Variants in SLC6A15 observed in about 807,000 individuals in gnomAD.
SLC6A15 encodes the protein sodium-dependent neutral amino acid transporter B(0)AT2.
A neutral mutation model predicts 68.5 loss-of-function variants in SLC6A15; 33 were observed. That is an observed-to-expected ratio of 0.48 (90% CI 0.37 to 0.64). The LOEUF (loss-of-function observed/expected upper bound fraction) is 0.64, where lower values mean the gene tolerates loss of function less well. SLC6A15 is among the 30% of genes least tolerant of loss of function. The probability of loss-of-function intolerance (pLI) is 0.00; values close to 1 mark genes in which losing one functional copy is unlikely to be tolerated. For missense variants in SLC6A15, 747 were observed against 874.3 expected, an observed-to-expected ratio of 0.85 and a Z score of 1.84; for synonymous variants, 347 against 301.0, an observed-to-expected ratio of 1.15 and a Z score of -1.58.
intron 1 of SLC6A15, among the ~76,000 whole-genome samples, chr12:84,897,937 C>A (rs1213406751): frequency 6.6e-6 from 1 of 151,792 alleles, no homozygotes; most frequent in Non-Finnish European, 1.5e-5. Context: ...GTGCAGGGGA[C>A]AATTGTGAAT....
intron 5 of SLC6A15, among the ~76,000 whole-genome samples, chr12:84,877,866 TA>T (rs1325257160): frequency 2.0e-5 from 3 of 152,198 alleles, no homozygotes; most frequent in African/African-American, 7.2e-5. Context: ...TAACAGGGTA[TA>T]AGCTAGTAAG....
At chr12:84,890,600 T>A (rs1872342743) in intron 2 of SLC6A15, among the ~76,000 whole-genome samples, 1 of 152,180 alleles carries the variant, frequency 6.6e-6, no homozygotes, top group African/African-American at 2.4e-5. Context: ...GATCTTTACC[T>A]CTAAGGCAGA....
rs780172360 is a variant in SLC6A15, at chr12:84,886,025, A to T, written c.333T>A (p.Gly111=). ...AGAGTTCCAAGAAAAAAAGGGGAAT[A>T]CCTATTACCATAAGTAGTATTAAAT... ...LPYLILLMVI[G]IPLFFLELSV... is the part of the protein sequence containing the mutation. The change falls in exon 3 of 12, where the codon GGT becomes GGA. Residue 111 remains glycine (G), a synonymous_variant. Coordinates refer to ENST00000266682, the MANE Select transcript of SLC6A15 (RefSeq NM_182767.6). 3 of 1,610,178 alleles carry T rather than the reference A, an allele frequency of 1.9e-6. No homozygotes were observed. The East Asian group carries it at 6.7e-5, about 36-fold the overall frequency.
At chr12:84,899,162 A>G (rs1872747329) in intron 1 of SLC6A15, among the ~76,000 whole-genome samples, 1 of 152,214 alleles carries the variant, frequency 6.6e-6, no homozygotes, top group African/African-American at 2.4e-5. Context: ...AGCCCAATGT[A>G]CAAGTGCTAC....
chr12:84,869,792 T>A (rs576313574), intron 9 of SLC6A15, among the ~76,000 whole-genome samples: 1 of 152,208 alleles, frequency 6.6e-6, no homozygotes, highest in Non-Finnish European at 1.5e-5. Flanking sequence ...TTTTACATGC[T>A]GTAAGTCTTA....
intron 5 of SLC6A15, chr12:84,881,596 T>C: frequency 1.0e-6 from 1 of 985,394 alleles, no homozygotes; most frequent in Non-Finnish European, 1.2e-6. Flanking sequence ...ACTTAGCATT[T>C]TGGGGTATAT....
chr12:84,910,229 A>C (rs545764858), intron 1 of SLC6A15, among the ~76,000 whole-genome samples: 1 of 152,334 alleles, frequency 6.6e-6, no homozygotes, highest in African/African-American at 2.4e-5. Flanking sequence ...TGCAATCAGA[A>C]AAAAGAAAAG....
chr12:84,876,400 A>T, intron 6 of SLC6A15, 97 bp downstream of exon 6: 1 of 694,742 alleles, frequency 1.4e-6, no homozygotes. Context: ...ATGTACATAC[A>T]TTAGAACAAT....
At chr12:84,876,101 G>T (rs10779143) in intron 6 of SLC6A15, among the ~76,000 whole-genome samples, 149,856 of 150,152 alleles carry the variant, frequency 1, 74,780 homozygotes, top group Middle Eastern at 1. Flanking sequence ...TTTTTTTTTT[G>T]GGAAAAAAAA....
intron 9 of SLC6A15, 113 bp from the exon 10 acceptor site, chr12:84,867,306 T>G (rs1190163101): frequency 2.3e-6 from 2 of 859,218 alleles, no homozygotes; most frequent in South Asian, 5.2e-5. Flanking sequence ...ATGTCCATCA[T>G]ATAAACAGGC....
At chr12:84,898,888 A>ATTT (rs1266907566) in intron 1 of SLC6A15, among the ~76,000 whole-genome samples, 1 of 152,212 alleles carries the variant, frequency 6.6e-6, no homozygotes, top group Non-Finnish European at 1.5e-5. Context: ...TGGCTTTGAA[A>ATTT]AACAATTTAA....
intron 7 of SLC6A15, 117 bp downstream of exon 7, chr12:84,872,969 GT>G (rs1371834600): frequency 7.7e-7 from 1 of 1,307,008 alleles, no homozygotes; most frequent in African/African-American, 1.5e-5. Flanking sequence ...TACATTGTAT[GT>G]TTGTGTCGAA....
At position 84,885,496 on chromosome 12, in the gene SLC6A15, C is replaced by T. The variant is rs771090879; in HGVS notation, c.513G>A (p.Gln171=). The part of the protein sequence containing the change: ...IIGWSLFYFS[Q]SFQQPLPWDQ... ...CCCAAGGCAGGGGTTGCTGAAAAGACTGAGAAAAATAAAACAAACTCCAGC... is the reference window on the plus strand; with the variant it reads ...CCCAAGGCAGGGGTTGCTGAAAAGATTGAGAAAAATAAAACAAACTCCAGC... The change falls in exon 4 of 12, where the codon CAG becomes CAA. Residue 171 remains glutamine, a synonymous_variant. Transcript: ENST00000266682. 74 of 1,613,416 alleles carry T rather than the reference C, an allele frequency of 4.6e-5. No homozygotes were observed. Among genetic ancestry groups the T allele is most frequent in the Non-Finnish European group, 5.5e-5 (65 of 1,179,702 alleles).
intron 9 of SLC6A15, among the ~76,000 whole-genome samples, chr12:84,869,687 C>G (rs1353219675): frequency 6.6e-6 from 1 of 152,014 alleles, no homozygotes; most frequent in Non-Finnish European, 1.5e-5. Flanking sequence ...CTTTCCAATT[C>G]AACTTTCATC....
rs1870835614 is a variant in SLC6A15 at position 84,861,279 on chromosome 12, C to T, written c.*353G>A. 5.8e-6 allele frequency: 1 copy of T among 171,254 alleles called. No homozygotes were observed. Among genetic ancestry groups the T allele is most frequent in the Non-Finnish European group, 1.2e-5 (1 of 80,232 alleles). 10.6% of individuals were successfully genotyped at this position (171,254 alleles called of 1,614,324 possible). ...CAAACTTATAAATTTTAATGTATAC[C>T]ATTTTTAATTGTCAACACTACTAAA... On this transcript the variant is annotated 3_prime_UTR_variant, in exon 12 of 12. Coordinates refer to ENST00000266682, the MANE Select transcript of SLC6A15 (RefSeq NM_182767.6).
At chr12:84,899,605 C>G (rs2120710265) in intron 1 of SLC6A15, among the ~76,000 whole-genome samples, 1 of 152,238 alleles carries the variant, frequency 6.6e-6, no homozygotes, top group South Asian at 2.1e-4. Context: ...TTCTTTGCCT[C>G]TTATCCAGCA....
rs967888503 is a variant in SLC6A15, at chr12:84,860,509, C to T, written c.*1123G>A. 11 of 151,978 alleles carry T rather than the reference C, an allele frequency of 7.2e-5. No homozygotes were observed. The highest frequency in any genetic ancestry group is 1.2e-4 in the Non-Finnish European group (8 of 67,952). The allele number at this position is 151,978 out of a possible 1,614,324, so 9.4% of individuals were successfully genotyped here. A position where few individuals can be genotyped will look rare whatever the true frequency, so the allele number is the denominator to read the frequency against. On this transcript the variant is annotated 3_prime_UTR_variant, in exon 12 of 12. Coordinates refer to ENST00000266682, the MANE Select transcript of SLC6A15 (RefSeq NM_182767.6). ...CTCTATTTTTCCTTAGACTCTGAAG[C>T]GGTGGTAACTCTATTCAATTAATGT...
intron 1 of SLC6A15, among the ~76,000 whole-genome samples, chr12:84,906,905 A>G (rs2120740334): frequency 6.6e-6 from 1 of 152,280 alleles, no homozygotes; most frequent in African/African-American, 2.4e-5. Context: ...GGATTCAGAA[A>G]CACAAAAATT....
intron 5 of SLC6A15, among the ~76,000 whole-genome samples, chr12:84,879,450 C>T (rs1482287073): frequency 2.0e-5 from 3 of 151,690 alleles, no homozygotes; most frequent in Admixed American, 6.6e-5. Flanking sequence ...CTCAGCCTCC[C>T]GAGTAGCTGG....
Sources: gnomAD v4.1 joint callset for allele counts (sites outside exome capture counted in the v4.1 genomes callset) on GRCh38, gnomAD v4.1.1 for gene constraint, MANE v1.5 for transcripts, NCBI Gene and HGNC (gene_info 2026-07-23, HGNC 2026-07-21) for gene names.